UEVLD: variants seen among roughly 807,000 people sequenced by gnomAD.
The protein encoded by UEVLD is ubiquitin-conjugating enzyme E2 variant 3.
A neutral mutation model predicts 58.6 loss-of-function variants in UEVLD; 47 were observed. The observed-to-expected ratio is 0.80, with a 90% CI of 0.63 to 1.02. The LOEUF (loss-of-function observed/expected upper bound fraction) is 1.02, where lower values mean the gene tolerates loss of function less well. Among genes scored for constraint, UEVLD ranks in the 50% least tolerant of loss-of-function variants. The probability of loss-of-function intolerance (pLI) is 0.00; values close to 1 mark genes in which losing one functional copy is unlikely to be tolerated. For missense variants in UEVLD, 510 were observed against 550.6 expected (o/e 0.93, Z 0.74); for synonymous variants, 197 against 195.3 (o/e 1.01, Z -0.07).
chr11:18,562,779 G>C (rs1038832528), intron 6 of UEVLD, among the ~76,000 whole-genome samples: 1 of 151,624 alleles, frequency 6.6e-6, no homozygotes, highest in South Asian at 2.1e-4. Flanking sequence ...CAGGAGCAGT[G>C]ACTCATGCCT....
intron 7 of UEVLD, 29 bp downstream of exon 7, chr11:18,558,199 G>C (rs770223829): frequency 4.6e-6 from 7 of 1,512,402 alleles, no homozygotes; most frequent in Non-Finnish European, 6.4e-6. Context: ...ATCTAATAAG[G>C]CATACATCTT....
intron 6 of UEVLD, among the ~76,000 whole-genome samples, chr11:18,560,676 T>C (rs530959742): frequency 1.4e-4 from 22 of 152,276 alleles, no homozygotes; most frequent in Admixed American, 5.2e-4. Flanking sequence ...CACCATGTAA[T>C]CAATCCGTGA....
Position 18,588,690 on chromosome 11 carries a change from A to G in UEVLD, c.-36T>C. 6.2e-7 allele frequency: 1 copy of G among 1,602,248 alleles called. No homozygotes were observed. The highest frequency in any genetic ancestry group is 8.5e-7 in the Non-Finnish European group (1 of 1,178,276). ...GTCCCGAGCTAGGTCCCAGGACTCC[A>G]GCCCCCGGACCTTCTTCCGGACTTG... On this transcript the variant is annotated 5_prime_UTR_variant, in exon 1 of 12. Transcript: ENST00000396197.
chr11:18,538,856 C>T (rs1168558590), intron 9 of UEVLD: 2 of 150,130 alleles, frequency 1.3e-5, no homozygotes, highest in Non-Finnish European at 3.0e-5. Context: ...ATGGTGAAAC[C>T]CCCATCTCTA....
intron 7 of UEVLD, among the ~76,000 whole-genome samples, chr11:18,556,108 T>C (rs1851745861): frequency 6.6e-6 from 1 of 152,228 alleles, no homozygotes; most frequent in South Asian, 2.1e-4. Flanking sequence ...TTCTAGTCTT[T>C]CAATTATCTG....
rs1041057383 is a variant in UEVLD, at chr11:18,588,669, C to G, written c.-15G>C. ...TCGAACTCCATCTCCAGGCCGGTCCCGAGCTAGGTCCCAGGACTCCAGCCC... is the reference window on the plus strand; with the variant it reads ...TCGAACTCCATCTCCAGGCCGGTCCGGAGCTAGGTCCCAGGACTCCAGCCC... On this transcript the variant is annotated 5_prime_UTR_variant, in exon 1 of 12. Coordinates refer to ENST00000396197, the MANE Select transcript of UEVLD (RefSeq NM_001040697.4). 6 of 1,607,794 alleles carry G rather than the reference C, an allele frequency of 3.7e-6. No homozygotes were observed. The highest frequency in any genetic ancestry group is 4.2e-6 in the Non-Finnish European group (5 of 1,179,696).
chr11:18,547,403 T>A (rs982049116), intron 7 of UEVLD, among the ~76,000 whole-genome samples: 2 of 152,094 alleles, frequency 1.3e-5, no homozygotes, highest in Admixed American at 6.6e-5. Flanking sequence ...TGTGTGACTG[T>A]AGTCTCAGCT....
intron 8 of UEVLD, among the ~76,000 whole-genome samples, chr11:18,546,258 T>G (rs1851298880): frequency 6.6e-6 from 1 of 152,192 alleles, no homozygotes; most frequent in Non-Finnish European, 1.5e-5. Context: ...TGCATATAAG[T>G]CATTGCATTT....
At chr11:18,557,091 A>C (rs1382897550) in intron 7 of UEVLD, among the ~76,000 whole-genome samples, 1 of 84,006 alleles carries the variant, frequency 1.2e-5, no homozygotes, top group African/African-American at 5.7e-5. Flanking sequence ...ACCCCGACTC[A>C]AAAAAAAAAA....
At chr11:18,553,352 A>G (rs1301097631) in intron 7 of UEVLD, among the ~76,000 whole-genome samples, 1 of 151,906 alleles carries the variant, frequency 6.6e-6, no homozygotes, top group Non-Finnish European at 1.5e-5. Context: ...AAGAAAAAAG[A>G]AAATACAGTC....
intron 9 of UEVLD, among the ~76,000 whole-genome samples, chr11:18,537,350 T>G (rs981783133): frequency 1.4e-4 from 21 of 149,276 alleles, no homozygotes; most frequent in Admixed American, 1.2e-3. Flanking sequence ...CTTTTTCTTT[T>G]TGAGACGGAC....
At position 18,549,007 on chromosome 11, in the gene UEVLD, T is replaced by C. The variant is rs556698142; in HGVS notation, c.716-1957A>G. Among the ~76,000 whole-genome samples the C allele has an allele frequency of 1.9e-4, 29 of 152,328 alleles. No individual in the cohort carries two copies. In the South Asian group the frequency reaches 5.8e-3, roughly 30 times the overall value. On this transcript the variant is annotated intron_variant, in intron 7 of 11. Coordinates refer to ENST00000396197, the MANE Select transcript of UEVLD (RefSeq NM_001040697.4). ...TAACAATTCCATATGTGTCAAACAC[T>C]GTTCTAACAGTTCTCCATAAATTTA... is the stretch of plus-strand genomic sequence containing the variant.
At chr11:18,555,319 G>A (rs565234649) in intron 7 of UEVLD, among the ~76,000 whole-genome samples, 4 of 151,944 alleles carry the variant, frequency 2.6e-5, no homozygotes, top group East Asian at 3.9e-4. Flanking sequence ...CCAGCTACTC[G>A]GGAGGCTGAG....
At chr11:18,561,804 C>T (rs1171224332) in intron 6 of UEVLD, among the ~76,000 whole-genome samples, 1 of 150,918 alleles carries the variant, frequency 6.6e-6, no homozygotes, top group Non-Finnish European at 1.5e-5. Flanking sequence ...TGCAATCCAG[C>T]CTGGGGAACA....
intron 1 of UEVLD, among the ~76,000 whole-genome samples, chr11:18,586,830 C>A (rs1039322375): frequency 1.3e-5 from 2 of 151,912 alleles, no homozygotes; most frequent in African/African-American, 4.8e-5. Flanking sequence ...AATAAGCTAC[C>A]CCAGCCTGGC....
At chr11:18,534,497 GCA>G in intron 10 of UEVLD, 44 bp from the exon 11 acceptor site, 1 of 1,539,278 alleles carries the variant, frequency 6.5e-7, no homozygotes, top group Non-Finnish European at 8.7e-7. Context: ...CATAAAATAT[GCA>G]CATTTAGTTT....
At chr11:18,575,195 G>A (rs1162445174) in intron 3 of UEVLD, 152 bp downstream of exon 3, 9 of 709,712 alleles carry the variant, frequency 1.3e-5, no homozygotes, top group Admixed American at 9.1e-5. Context: ...ATTAATACAG[G>A]CCTTCCTTGA....
chr11:18,584,452 T>C (rs1450357448), intron 1 of UEVLD, among the ~76,000 whole-genome samples: 1 of 152,174 alleles, frequency 6.6e-6, no homozygotes, highest in African/African-American at 2.4e-5. Context: ...CACCCACTTA[T>C]GATACAGAAC....
intron 3 of UEVLD, among the ~76,000 whole-genome samples, chr11:18,573,585 C>T (rs1037259903): frequency 3.3e-5 from 5 of 152,244 alleles, no homozygotes; most frequent in Admixed American, 2.6e-4. Context: ...TCTGCAATCT[C>T]TGCATGGATC....
Sources: allele counts gnomAD v4.1 joint callset (sites outside exome capture counted in the v4.1 genomes callset), GRCh38; gene constraint gnomAD v4.1.1; transcripts MANE v1.5; gene names NCBI Gene and HGNC (gene_info 2026-07-23, HGNC 2026-07-21).